The following NEGR1 variants were observed in gnomAD, a reference collection of about 807,000 sequenced individuals.
NEGR1 encodes neuronal growth regulator 1.
NEGR1 carries 10 observed loss-of-function variants against 40.9 expected under a neutral mutation model. That is an observed-to-expected ratio of 0.24 (90% CI 0.15 to 0.42). NEGR1 has a LOEUF of 0.42. NEGR1 is among the 10% of genes least tolerant of loss of function. The pLI is 1.00. For missense variants in NEGR1, 352 were observed against 438.9 expected (o/e 0.80, Z 1.77); for synonymous variants, 185 against 166.8 (o/e 1.11, Z -0.84).
chr1:72,075,219 T>C (rs553748449), intron 1 of NEGR1, among the ~76,000 whole-genome samples: 2 of 152,252 alleles, frequency 1.3e-5, no homozygotes, highest in East Asian at 3.9e-4. Context: ...GTAATTAAAG[T>C]TTTGAAAATA....
chr1:71,435,417 G>A (rs933858470), intron 6 of NEGR1, among the ~76,000 whole-genome samples: 1 of 152,066 alleles, frequency 6.6e-6, no homozygotes, highest in Non-Finnish European at 1.5e-5. Context: ...AGAGAAACAG[G>A]TTCTGCCAAC....
At chr1:72,271,171 C>T (rs1655831344) in intron 1 of NEGR1, among the ~76,000 whole-genome samples, 1 of 151,806 alleles carries the variant, frequency 6.6e-6, no homozygotes, top group Non-Finnish European at 1.5e-5. Flanking sequence ...AGATGATAAA[C>T]TTTGCAAATA....
intron 1 of NEGR1, among the ~76,000 whole-genome samples, chr1:72,002,036 T>A (rs1376011977): frequency 1.3e-5 from 2 of 152,134 alleles, no homozygotes; most frequent in African/African-American, 4.8e-5. Flanking sequence ...TGGGTTTTAA[T>A]AAAATTCTAG....
chr1:71,603,872 A>G (rs1441868282), intron 5 of NEGR1, among the ~76,000 whole-genome samples: 1 of 152,164 alleles, frequency 6.6e-6, no homozygotes, highest in Admixed American at 6.5e-5. Flanking sequence ...AGTTTTTGCT[A>G]ATTTTTTTAT....
At chr1:72,103,178 T>C (rs921761620) in intron 1 of NEGR1, among the ~76,000 whole-genome samples, 149 of 152,132 alleles carry the variant, frequency 9.8e-4, no homozygotes, top group African/African-American at 3.5e-3. Context: ...TTAACTCTAC[T>C]GATCATGGAC....
chr1:72,049,394 G>T (rs992852677), intron 1 of NEGR1, among the ~76,000 whole-genome samples: 1 of 151,510 alleles, frequency 6.6e-6, no homozygotes, highest in African/African-American at 2.4e-5. Flanking sequence ...ACCTTAGAAA[G>T]AATCTGAGGA....
chr1:72,112,962 T>G (rs943645167), intron 1 of NEGR1, among the ~76,000 whole-genome samples: 5 of 151,796 alleles, frequency 3.3e-5, no homozygotes, highest in African/African-American at 1.2e-4. Context: ...CATGTTCACC[T>G]GTCAGCTATT....
chr1:72,259,381 T>C (rs1391382544), intron 1 of NEGR1, among the ~76,000 whole-genome samples: 3 of 152,078 alleles, frequency 2.0e-5, no homozygotes, highest in African/African-American at 7.2e-5. Flanking sequence ...CTTTATATGC[T>C]GTTTTACTCC....
intron 3 of NEGR1, among the ~76,000 whole-genome samples, chr1:71,701,926 G>A (rs1653709977): frequency 6.6e-6 from 1 of 151,996 alleles, no homozygotes. Flanking sequence ...AATCTATCAA[G>A]TAATGTAAGT....
rs546256379 is a variant in NEGR1, at chr1:72,010,514, T to C, written c.177-75203A>G. On this transcript the variant is annotated intron_variant, in intron 1 of 6. Coordinates refer to ENST00000357731, the MANE Select transcript of NEGR1 (RefSeq NM_173808.3). ...GACAAAAATGGATAAAAATGAAATC[T>C]CTGCCTTATGTGCAGTATACAACTC... Among the ~76,000 whole-genome samples the C allele has an allele frequency of 2.0e-5, 3 of 152,250 alleles. No individual in the cohort carries two copies. The East Asian group carries it at 5.8e-4, about 29-fold the overall frequency.
At position 71,997,649 on chromosome 1, in the gene NEGR1, G is replaced by A. The variant is rs143631637; in HGVS notation, c.177-62338C>T. ...CCCTGAGAATCTATTATAGTACCTT[G>A]TATAACTAAGACTCCAATAAATATT... On this transcript the variant is annotated intron_variant, in intron 1 of 6. Transcript: ENST00000357731. Among the ~76,000 whole-genome samples the A allele has an allele frequency of 4.9e-3, 737 of 151,938 alleles. 4 individuals are homozygous for A. The highest frequency in any genetic ancestry group is 8.1e-3 in the Non-Finnish European group (547 of 67,848).
At chr1:71,917,635 G>A (rs552133011) in intron 2 of NEGR1, among the ~76,000 whole-genome samples, 69 of 151,454 alleles carry the variant, frequency 4.6e-4, no homozygotes, top group Non-Finnish European at 7.7e-4. Flanking sequence ...AAAATTAGCC[G>A]GGCCTGGTGG....
At chr1:71,806,948 A>G (rs1223273330) in intron 2 of NEGR1, among the ~76,000 whole-genome samples, 2 of 138,076 alleles carry the variant, frequency 1.4e-5, no homozygotes, top group African/African-American at 5.5e-5. Context: ...GCTGGAGTGC[A>G]GTGGCGTGAT....
At chr1:71,940,149 T>A (rs970591240) in intron 1 of NEGR1, among the ~76,000 whole-genome samples, 4 of 152,166 alleles carry the variant, frequency 2.6e-5, no homozygotes, top group Non-Finnish European at 5.9e-5. Flanking sequence ...CAAATTCAGA[T>A]CTTTTTTCTT....
At chr1:72,149,782 G>A (rs998000617) in intron 1 of NEGR1, among the ~76,000 whole-genome samples, 3 of 150,026 alleles carry the variant, frequency 2.0e-5, no homozygotes, top group African/African-American at 7.4e-5. Flanking sequence ...CTCAGGAGGT[G>A]AGGCAGAAGA....
intron 5 of NEGR1, among the ~76,000 whole-genome samples, chr1:71,596,632 A>G (rs1335001): frequency 0.041 from 6,290 of 152,294 alleles, 346 homozygotes; most frequent in African/African-American, 0.12. Flanking sequence ...TGTTAAGATT[A>G]CAAAAATATT....
intron 1 of NEGR1, among the ~76,000 whole-genome samples, chr1:72,145,838 C>A (rs1287202752): frequency 4.6e-5 from 7 of 151,800 alleles, no homozygotes; most frequent in Admixed American, 4.6e-4. Context: ...ATATTTTTTT[C>A]TTGGTGATTG....
chr1:71,417,776 A>C (rs1255925784), intron 6 of NEGR1, among the ~76,000 whole-genome samples: 34 of 152,182 alleles, frequency 2.2e-4, no homozygotes, highest in Admixed American at 2.2e-3. Flanking sequence ...GTGCTGATTA[A>C]ATTTTCTTAA....
At chr1:72,130,745 C>T (rs915606786) in intron 1 of NEGR1, among the ~76,000 whole-genome samples, 4 of 152,120 alleles carry the variant, frequency 2.6e-5, no homozygotes, top group Admixed American at 2.0e-4. Context: ...TCAGCCAACG[C>T]AAAATATCCC....
Sources: gnomAD v4.1 joint callset for allele counts (sites outside exome capture counted in the v4.1 genomes callset) on GRCh38, gnomAD v4.1.1 for gene constraint, MANE v1.5 for transcripts, NCBI Gene and HGNC (gene_info 2026-07-23, HGNC 2026-07-21) for gene names.